The following FANCB variants were observed in gnomAD, a reference collection of about 807,000 sequenced individuals.
FANCB encodes FA complementation group B, also known as Fanconi anemia group B protein.
A neutral mutation model predicts 38.9 loss-of-function variants in FANCB; 5 were observed. The observed-to-expected ratio is 0.13, with a 90% CI of 0.07 to 0.27. The LOEUF is 0.27. Ranked by LOEUF, FANCB falls within the 10% of genes least tolerant of loss-of-function variation. The pLI, the probability that FANCB is intolerant of heterozygous loss-of-function variation, is 1.00. For missense variants in FANCB, 573 were observed against 602.7 expected, an observed-to-expected ratio of 0.95 and a Z score of 0.52; for synonymous variants, 236 against 215.4, an observed-to-expected ratio of 1.10 and a Z score of -0.84.
At chrX:14,758,737 C>T in the FANCB span, among the ~76,000 whole-genome samples, 52 of 111,676 alleles carry the variant, frequency 4.7e-4, no homozygotes, top group Non-Finnish European at 9.4e-4. Context: ...GCCCTTGAGC[C>T]CCAGATCTTC....
the FANCB span, among the ~76,000 whole-genome samples, chrX:14,743,255 TATAAG>T: frequency 8.9e-6 from 1 of 112,002 alleles, no homozygotes; most frequent in Non-Finnish European, 1.9e-5. Flanking sequence ...TGGCAATGTT[TATAAG>T]ATGAGAATGA....
In FANCB at chrX:14,845,054, T is replaced by A. The variant is rs2147390677; in HGVS notation, c.1729A>T (p.Ile577Leu). The part of the protein sequence containing the change: ...EHPSKKECVQ[I>L]ITAVTSLSPL... ...GAAAGAGATGTTACAGCAGTAATTA[T>A]CTGTACACACTCTTTCTTAGATGGG... Residue 577 changes from isoleucine (I) to leucine (L), a missense_variant, in exon 8 of 10, where the codon ATA (isoleucine) becomes TTA (leucine). Coordinates refer to ENST00000650831, the MANE Select transcript of FANCB (RefSeq NM_001018113.3). 2 of 1,208,168 alleles carry A rather than the reference T, an allele frequency of 1.7e-6. No individual in the cohort carries two copies. Among genetic ancestry groups the A allele is most frequent in the Middle Eastern group, 4.6e-4 (2 of 4,329 alleles).
the FANCB span, among the ~76,000 whole-genome samples, chrX:14,751,300 C>T: frequency 5.1e-4 from 58 of 112,767 alleles, no homozygotes; most frequent in South Asian, 0.021. Flanking sequence ...CACAATGCTA[C>T]ACAGCATGAA....
At chrX:14,716,335 C>T in the FANCB span, among the ~76,000 whole-genome samples, 1 of 111,504 alleles carries the variant, frequency 9.0e-6, no homozygotes, top group Non-Finnish European at 1.9e-5. Flanking sequence ...CCTCACACAT[C>T]TAGGTTATAG....
chrX:14,856,510 T>G (rs1331293812), intron 5 of FANCB, among the ~76,000 whole-genome samples: 1 of 112,211 alleles, frequency 8.9e-6, no homozygotes, highest in African/African-American at 3.2e-5. Context: ...CATTCATGGT[T>G]CTGTCTGTTA....
chrX:14,834,774 T>A, downstream of FANCB: 4 of 598,387 alleles, frequency 6.7e-6, no homozygotes, highest in Admixed American at 9.1e-5. Context: ...TTGTATAGAT[T>A]TCTTCACTGG....
the FANCB span, among the ~76,000 whole-genome samples, chrX:14,738,019 A>AG: frequency 4.5e-5 from 5 of 111,677 alleles, no homozygotes; most frequent in Non-Finnish European, 9.4e-5. Context: ...TGTTTAATCA[A>AG]TGTGTGTGCC....
At position 14,845,155 on chromosome X, in the gene FANCB, C is replaced by T. The variant is rs1280113591; in HGVS notation, c.1628G>A (p.Cys543Tyr). 8.3e-7 allele frequency: 1 copy of T among 1,211,278 alleles called. No individual in the cohort carries two copies. The highest frequency in any genetic ancestry group is 1.1e-6 in the Non-Finnish European group (1 of 895,042). ...NPFPAPYLMP[C>Y]EIGLEAKRVT... ...CCTTTTTGCTTCCAATCCTATTTCA[C>T]ATGGCATCAAGTATGGTGCTGGGAA... Residue 543 changes from cysteine to tyrosine, a missense_variant, in exon 8 of 10, where the codon TGT becomes TAT. Transcript: ENST00000650831.
At chrX:14,724,809 T>C in the FANCB span, among the ~76,000 whole-genome samples, 1 of 111,289 alleles carries the variant, frequency 9.0e-6, no homozygotes, top group African/African-American at 3.3e-5. Context: ...AATGACACTT[T>C]GACAGTTTTA....
chrX:14,803,779 A>G, the FANCB span, among the ~76,000 whole-genome samples: 1 of 111,119 alleles, frequency 9.0e-6, no homozygotes, highest in Non-Finnish European at 1.9e-5. Context: ...TTACCAACAA[A>G]TTTACAAGAA....
intron 5 of FANCB, among the ~76,000 whole-genome samples, chrX:14,856,202 G>GTTCT (rs2092422572): frequency 9.0e-6 from 1 of 111,634 alleles, no homozygotes; most frequent in Non-Finnish European, 1.9e-5. Context: ...CAATATTGTA[G>GTTCT]TTTATAAATA....
chrX:14,826,316 T>C, the FANCB span, among the ~76,000 whole-genome samples: 1 of 111,958 alleles, frequency 8.9e-6, no homozygotes, highest in Admixed American at 9.5e-5. Flanking sequence ...GGACTAAGCC[T>C]GTTTCACAGC....
intron 7 of FANCB, among the ~76,000 whole-genome samples, chrX:14,847,699 T>G (rs1410684010): frequency 9.1e-6 from 1 of 109,575 alleles, no homozygotes; most frequent in Admixed American, 9.7e-5. Context: ...TGTCAAATAT[T>G]TAGAAAAAGA....
the FANCB span, among the ~76,000 whole-genome samples, chrX:14,815,127 A>G: frequency 9.0e-6 from 1 of 110,844 alleles, no homozygotes; most frequent in Non-Finnish European, 1.9e-5. Context: ...CAATGGGAAC[A>G]GTTGGACACA....
chrX:14,762,599 G>A, the FANCB span, among the ~76,000 whole-genome samples: 2 of 111,973 alleles, frequency 1.8e-5, no homozygotes, highest in African/African-American at 3.3e-5. Flanking sequence ...GCTACAACAG[G>A]TGTGCATGAT....
chrX:14,726,764 T>C, the FANCB span, among the ~76,000 whole-genome samples: 1 of 112,649 alleles, frequency 8.9e-6, no homozygotes, highest in Non-Finnish European at 1.9e-5. Context: ...ATTAAATGAA[T>C]GAGTCAATCT....
chrX:14,737,084 G>A, the FANCB span, among the ~76,000 whole-genome samples: 2 of 111,116 alleles, frequency 1.8e-5, no homozygotes, highest in African/African-American at 6.6e-5. Context: ...TTGAACCCAG[G>A]AGGTGGAGGT....
chrX:14,740,762 T>C, the FANCB span, among the ~76,000 whole-genome samples: 1 of 111,721 alleles, frequency 9.0e-6, no homozygotes, highest in South Asian at 3.8e-4. Flanking sequence ...ACAGGGCTTA[T>C]TCACTCATTT....
the FANCB span, among the ~76,000 whole-genome samples, chrX:14,804,979 T>G: frequency 9.0e-6 from 1 of 111,313 alleles, no homozygotes; most frequent in Non-Finnish European, 1.9e-5. Flanking sequence ...GCAAATGAAC[T>G]AAACTTACGT....
Sources: gnomAD v4.1 joint callset for allele counts (sites outside exome capture counted in the v4.1 genomes callset) on GRCh38, gnomAD v4.1.1 for gene constraint, MANE v1.5 for transcripts, NCBI Gene and HGNC (gene_info 2026-07-23, HGNC 2026-07-21) for gene names.